MTNR1A: variants seen among roughly 807,000 people sequenced by gnomAD.
MTNR1A encodes the protein melatonin receptor 1A.
Under a neutral mutation model 5.5 loss-of-function variants are expected in MTNR1A, and 7 were observed. The ratio of observed to expected loss-of-function variants is 1.28; its 90% CI spans 0.73 to 2.40. MTNR1A has a LOEUF of 2.40. Among genes scored for constraint, MTNR1A ranks in the 30% most tolerant of loss-of-function variants. The pLI is 0.00. For missense variants in MTNR1A, 441 were observed against 464.4 expected, an observed-to-expected ratio of 0.95 and a Z score of 0.46; for synonymous variants, 196 against 202.7, an observed-to-expected ratio of 0.97 and a Z score of 0.28.
Position 186,534,268 on chromosome 4 carries a change from G to T in MTNR1A, c.474C>A (p.Ala158=). The change falls in exon 2 of 2, where the codon GCC becomes GCA. Residue 158 remains alanine, a synonymous_variant. Transcript: ENST00000307161. The stretch of plus-strand genomic sequence containing the variant: ...TCCCTGCACGGAGGTTGGGCAGGAC[G>T]GCCGCCAGCGTCAGGAGCCATATGA... ...VLLIWLLTLA[A]VLPNLRAGTL... is the part of the protein sequence containing the mutation. 1 of 1,614,168 alleles carries T rather than the reference G, an allele frequency of 6.2e-7. No homozygotes were observed. Among genetic ancestry groups the T allele is most frequent in the Non-Finnish European group, 8.5e-7 (1 of 1,180,024 alleles).
At position 186,555,157 on chromosome 4, in the gene MTNR1A, C is replaced by T. The variant is rs1188131682; in HGVS notation, c.184+25G>A. On this transcript the variant is annotated intron_variant, in intron 1 of 1. Coordinates refer to ENST00000307161, the MANE Select transcript of MTNR1A (RefSeq NM_005958.4). This position sits in a 1 kb window ranked among gnomAD's most constrained non-coding sequence, Gnocchi z 4.1. Reference sequence around the variant, plus strand: ...GAGGCGCTGCGTCCGGAGCGCTGGCCCAGGGGAGGCGGCGCGGGCCCTACC... The same window carrying T: ...GAGGCGCTGCGTCCGGAGCGCTGGCTCAGGGGAGGCGGCGCGGGCCCTACC... The T allele has an allele frequency of 1.3e-6, 2 of 1,581,340 alleles. No individual in the cohort carries two copies. Among genetic ancestry groups the T allele is most frequent in the Non-Finnish European group, 8.6e-7 (1 of 1,164,450 alleles).
intron 1 of MTNR1A, among the ~76,000 whole-genome samples, chr4:186,544,786 CCT>C (rs913349693): frequency 2.0e-5 from 3 of 152,206 alleles, no homozygotes; most frequent in Non-Finnish European, 2.9e-5. Context: ...TTCTGCTCAT[CCT>C]CTGTCTTTCA....
chr4:186,544,895 ACTGCCTT>A (rs1412929135), intron 1 of MTNR1A, among the ~76,000 whole-genome samples: 3 of 152,072 alleles, frequency 2.0e-5, no homozygotes, highest in African/African-American at 7.2e-5. Context: ...TTCCCCAGAG[ACTGCCTT>A]CACTGATCAC....
intron 1 of MTNR1A, among the ~76,000 whole-genome samples, chr4:186,540,559 T>A (rs1161180215): frequency 6.6e-6 from 1 of 152,260 alleles, no homozygotes; most frequent in African/African-American, 2.4e-5. Flanking sequence ...CTTGGTAGAG[T>A]CTGAATGCTC....
In MTNR1A at chr4:186,534,115, T is replaced by G; in HGVS notation, c.627A>C (p.Arg209Ser). Residue 209 changes from arginine to serine, a missense_variant, in exon 2 of 2, where the codon AGA (arginine) becomes AGC (serine). Arg to Ser is a moderately radical substitution (Grantham distance 110, BLOSUM62 -1). Transcript: ENST00000307161. ...PMIIVIFCYL[R>S]IWILVLQVRQ... The stretch of plus-strand genomic sequence containing the variant: ...TGACCTGGAGAACCAGGATCCATAT[T>G]CTCAGGTAACAGAAGATGACTATGA... 1.2e-6 allele frequency: 2 copies of G among 1,614,104 alleles called. No homozygotes were observed. The highest frequency in any genetic ancestry group is 1.1e-5 in the South Asian group (1 of 91,062).
At chr4:186,535,933 AC>A (rs1736839275) in intron 1 of MTNR1A, among the ~76,000 whole-genome samples, 1 of 152,206 alleles carries the variant, frequency 6.6e-6, no homozygotes, top group African/African-American at 2.4e-5. Context: ...GTCTTAAAGC[AC>A]TTTATACTGC....
chr4:186,554,368 C>T (rs1403460666), intron 1 of MTNR1A, among the ~76,000 whole-genome samples: 3 of 152,054 alleles, frequency 2.0e-5, no homozygotes, highest in African/African-American at 7.2e-5. Flanking sequence ...GTTCCCCGCC[C>T]CTTCTCCCAA....
chr4:186,534,766 C>T (rs1736808000), intron 1 of MTNR1A, among the ~76,000 whole-genome samples: 2 of 152,168 alleles, frequency 1.3e-5, no homozygotes, highest in African/African-American at 2.4e-5. Flanking sequence ...ACATTCCCAC[C>T]TCCCCAGAAC....
rs1387355692 is a variant in MTNR1A at position 186,534,375 on chromosome 4, T to C, written c.367A>G (p.Ile123Val). 1.9e-6 allele frequency: 3 copies of C among 1,613,992 alleles called. No homozygotes were observed. Among genetic ancestry groups the C allele is most frequent in the African/African-American group, 1.3e-5 (1 of 74,896 alleles). Residue 123 changes from isoleucine (I) to valine (V), a missense_variant, in exon 2 of 2, where the codon ATC (isoleucine) becomes GTC (valine). By Grantham distance (29) the Ile-to-Val change is conservative. Transcript: ENST00000307161. The part of the protein sequence containing the change: ...GSIFNITGIA[I>V]NRYCYICHSL... ...TGGCAGATGTAGCAGTAGCGGTTGA[T>C]GGCGATGCCGGTGATGTTGAATATG...
In MTNR1A at chr4:186,555,214, G is replaced by A. The variant is rs199972565; in HGVS notation, c.152C>T (p.Ser51Leu). The change falls in exon 1 of 2, where the codon TCG (serine) becomes TTG (leucine). Residue 51 changes from serine to leucine, a missense_variant. Physicochemically the swap from Ser to Leu is moderately radical, Grantham distance 145. Transcript: ENST00000307161. This position sits in a 1 kb window ranked among gnomAD's most constrained non-coding sequence, Gnocchi z 4.1. ...CCTGAGCTTCTTGTTCCGATACACC[G>A]ACAGGATGACCAGGAGGTTGCCCAG... is the stretch of plus-strand genomic sequence containing the variant. ...DILGNLLVIL[S>L]VYRNKKLRNA... The A allele has an allele frequency of 4.4e-6, 7 of 1,594,328 alleles. No homozygotes were observed. Among genetic ancestry groups the A allele is most frequent in the East Asian group, 2.3e-5 (1 of 43,942 alleles).
chr4:186,541,389 G>A (rs1001751223), intron 1 of MTNR1A, among the ~76,000 whole-genome samples: 1 of 152,066 alleles, frequency 6.6e-6, no homozygotes, highest in African/African-American at 2.4e-5. Context: ...GCTAGACCAG[G>A]GGTCCCCAAC....
chr4:186,533,820 T>A lies in MTNR1A; in HGVS notation c.922A>T (p.Arg308Ter). ...GCTGTACAGAGCGAGACTATAATTCTCCTGTATTCCTTCCTGAAATTTTGG... is the reference window on the plus strand; with the variant it reads ...GCTGTACAGAGCGAGACTATAATTCACCTGTATTCCTTCCTGAAATTTTGG... ...LNQNFRKEYR[R>*]IIVSLCTARV... The change falls in exon 2 of 2, where the codon AGA (arginine) becomes TGA (stop). Residue 308 changes from arginine to a stop codon, truncating the protein, a stop_gained. Transcript: ENST00000307161. LOFTEE classifies it high-confidence loss of function. 1 of 1,614,146 alleles carries A rather than the reference T, an allele frequency of 6.2e-7. No individual in the cohort carries two copies.
intron 1 of MTNR1A, among the ~76,000 whole-genome samples, chr4:186,538,124 G>C (rs575988263): frequency 6.6e-6 from 1 of 152,152 alleles, no homozygotes; most frequent in Non-Finnish European, 1.5e-5. Flanking sequence ...GCAGCACGAC[G>C]TTGCTTTTCT....
intron 1 of MTNR1A, among the ~76,000 whole-genome samples, chr4:186,545,954 T>C (rs751132427): frequency 1.3e-5 from 2 of 152,178 alleles, no homozygotes; most frequent in Non-Finnish European, 1.5e-5. Context: ...AAAGAGACTA[T>C]ACCTTAGAAA....
Position 186,534,516 on chromosome 4 carries a change from C to A in MTNR1A, c.226G>T (p.Val76Leu). The A allele has an allele frequency of 6.2e-7, 1 of 1,613,778 alleles. No individual in the cohort carries two copies. The highest frequency in any genetic ancestry group is 1.1e-5 in the South Asian group (1 of 91,080). Residue 76 changes from valine to leucine, a missense_variant, in exon 2 of 2, where the codon GTG becomes TTG. Coordinates refer to ENST00000307161, the MANE Select transcript of MTNR1A (RefSeq NM_005958.4). ...ACCAACGGGTACGGATAAATGGCCA[C>A]CACCAGGTCTGCCACCGCTAAGCTC... is the stretch of plus-strand genomic sequence containing the variant. Reference protein sequence around the residue: ...VVSLAVADLVVAIYPYPLVLM... With the variant: ...VVSLAVADLVLAIYPYPLVLM...
chr4:186,548,084 A>G (rs1737194122), intron 1 of MTNR1A, among the ~76,000 whole-genome samples: 1 of 152,076 alleles, frequency 6.6e-6, no homozygotes, highest in East Asian at 1.9e-4. Flanking sequence ...CAAAATCATA[A>G]TCCTTCAGCG....
At chr4:186,546,809 C>T (rs1737157916) in intron 1 of MTNR1A, among the ~76,000 whole-genome samples, 2 of 150,878 alleles carry the variant, frequency 1.3e-5, no homozygotes, top group African/African-American at 4.9e-5. Context: ...ACCGTCCACA[C>T]CACACCCTGT....
chr4:186,541,364 A>T (rs904338688), intron 1 of MTNR1A, among the ~76,000 whole-genome samples: 4 of 152,164 alleles, frequency 2.6e-5, no homozygotes, highest in Non-Finnish European at 5.9e-5. Context: ...ATTAATGGGC[A>T]GTGGCTAATG....
intron 1 of MTNR1A, among the ~76,000 whole-genome samples, chr4:186,553,668 C>T (rs1006825275): frequency 6.6e-6 from 1 of 152,194 alleles, no homozygotes; most frequent in African/African-American, 2.4e-5. Flanking sequence ...TGGGCCACCA[C>T]ATCCAGCTAA....
Sources: gnomAD v4.1 joint callset for allele counts (sites outside exome capture counted in the v4.1 genomes callset) on GRCh38, gnomAD v4.1.1 for gene constraint, Gnocchi (gnomAD v3.1) non-coding constraint, MANE v1.5 for transcripts, NCBI Gene and HGNC (gene_info 2026-07-23, HGNC 2026-07-21) for gene names.